Variants in RARB observed in about 807,000 individuals in gnomAD.
RARB encodes the protein retinoic acid receptor beta.
Under a neutral mutation model 51.9 loss-of-function variants are expected in RARB, and 17 were observed. The observed-to-expected ratio is 0.33, with a 90% CI of 0.22 to 0.49. The LOEUF is 0.49. RARB is among the 20% of genes least tolerant of loss of function. RARB has a pLI of 0.99. For synonymous variants in RARB, 215 were observed against 195.4 expected, an observed-to-expected ratio of 1.10 and a Z score of -0.84; for missense variants, 369 against 550.8, an observed-to-expected ratio of 0.67 and a Z score of 3.30.
intron 5 of RARB, among the ~76,000 whole-genome samples, chr3:25,286,246 G>C (rs909588942): frequency 1.3e-5 from 2 of 151,900 alleles, no homozygotes; most frequent in African/African-American, 4.8e-5. Context: ...CCGCCACCAT[G>C]CCCAGCTAAT....
intron 3 of RARB, among the ~76,000 whole-genome samples, chr3:25,109,288 T>C (rs1699560614): frequency 6.6e-6 from 1 of 152,172 alleles, no homozygotes; most frequent in Non-Finnish European, 1.5e-5. Context: ...TTTGCATTTT[T>C]TGGTTTTCAA....
chr3:25,228,434 T>TCAGA (rs1407319321), intron 5 of RARB, among the ~76,000 whole-genome samples: 4 of 152,096 alleles, frequency 2.6e-5, no homozygotes, highest in African/African-American at 9.7e-5. Flanking sequence ...TTCAGTAATT[T>TCAGA]TATGGCTTTA....
chr3:25,163,504 A>AAAAAAAAAAAATATATATAT (rs1303712411), intron 4 of RARB, among the ~76,000 whole-genome samples: 6 of 131,120 alleles, frequency 4.6e-5, no homozygotes, highest in African/African-American at 1.6e-4. Context: ...CCTATCTCAA[A>AAAAAAAAAAAATATATATAT]ATATATATAT....
At chr3:25,330,562 C>T (rs1704861505) in intron 5 of RARB, among the ~76,000 whole-genome samples, 1 of 152,144 alleles carries the variant, frequency 6.6e-6, no homozygotes, top group African/African-American at 2.4e-5. Flanking sequence ...AAAAAACATG[C>T]CAAATTGTAA....
chr3:24,970,037 C>T (rs1696359738), intron 2 of RARB, among the ~76,000 whole-genome samples: 1 of 151,988 alleles, frequency 6.6e-6, no homozygotes, highest in Non-Finnish European at 1.5e-5. Flanking sequence ...AAGGAGCAGA[C>T]AGTACATATT....
chr3:25,518,063 T>A (rs1698246099), intron 3 of RARB, among the ~76,000 whole-genome samples: 1 of 152,190 alleles, frequency 6.6e-6, no homozygotes, highest in Non-Finnish European at 1.5e-5. Context: ...TCACAATTTG[T>A]GAAATTTGTG....
intron 2 of RARB, among the ~76,000 whole-genome samples, chr3:25,490,699 A>T (rs1350786973): frequency 1.3e-5 from 2 of 150,686 alleles, no homozygotes; most frequent in East Asian, 1.9e-4. Context: ...ATTTTGTTGC[A>T]TTTTTTTTTC....
chr3:25,402,623 TA>T (rs1258103697), intron 5 of RARB, among the ~76,000 whole-genome samples: 2 of 152,262 alleles, frequency 1.3e-5, no homozygotes, highest in Middle Eastern at 3.4e-3. Context: ...TATTCAGCCA[TA>T]AAAAAGAATG....
At chr3:24,868,200 G>A (rs978332672) in intron 2 of RARB, among the ~76,000 whole-genome samples, 1 of 152,118 alleles carries the variant, frequency 6.6e-6, no homozygotes, top group African/African-American at 2.4e-5. Flanking sequence ...GTGTTAGCCT[G>A]TTTTAAAATC....
At chr3:25,468,835 G>A (rs532799886) in intron 2 of RARB, among the ~76,000 whole-genome samples, 6 of 152,200 alleles carry the variant, frequency 3.9e-5, no homozygotes, top group Non-Finnish European at 8.8e-5. Context: ...ATGCAGCTTT[G>A]TCCTTGCTCT....
At chr3:25,517,169 T>A (rs947412689) in intron 3 of RARB, among the ~76,000 whole-genome samples, 4 of 152,196 alleles carry the variant, frequency 2.6e-5, no homozygotes, top group Non-Finnish European at 5.9e-5. Context: ...GGGTTGGTTA[T>A]CTCTGCAAGA....
At chr3:25,287,026 C>T (rs1323838662) in intron 5 of RARB, among the ~76,000 whole-genome samples, 3 of 152,186 alleles carry the variant, frequency 2.0e-5, no homozygotes, top group East Asian at 1.9e-4. Flanking sequence ...AAGGCTTTCT[C>T]CTGCCTGTTA....
intron 5 of RARB, among the ~76,000 whole-genome samples, chr3:25,582,488 CCTT>C (rs1235875890): frequency 6.6e-6 from 1 of 151,910 alleles, no homozygotes; most frequent in Non-Finnish European, 1.5e-5. Flanking sequence ...GTTTCTTAAT[CCTT>C]CTTTTGTCTA....
At chr3:25,461,879 C>T (rs1237450930) in intron 2 of RARB, among the ~76,000 whole-genome samples, 2 of 152,190 alleles carry the variant, frequency 1.3e-5, no homozygotes, top group Admixed American at 6.5e-5. Flanking sequence ...TGGACAACAG[C>T]GAGACTTTGT....
chr3:25,230,064 G>T (rs1702141289), intron 5 of RARB, among the ~76,000 whole-genome samples: 1 of 152,046 alleles, frequency 6.6e-6, no homozygotes. Context: ...AATGAATGAA[G>T]TATGCTTATA....
chr3:25,096,210 G>T (rs1277134873), intron 3 of RARB, among the ~76,000 whole-genome samples: 1 of 152,150 alleles, frequency 6.6e-6, no homozygotes, highest in Non-Finnish European at 1.5e-5. Context: ...GTAGCTACTT[G>T]GGTTAGGTTT....
chr3:25,382,063 TAGC>T (rs1706643945), intron 5 of RARB, among the ~76,000 whole-genome samples: 1 of 152,186 alleles, frequency 6.6e-6, no homozygotes, highest in Non-Finnish European at 1.5e-5. Flanking sequence ...TGAGGAACAT[TAGC>T]ATCATATCAT....
intron 2 of RARB, among the ~76,000 whole-genome samples, chr3:25,052,827 A>G (rs1022197315): frequency 6.6e-6 from 1 of 152,066 alleles, no homozygotes; most frequent in Non-Finnish European, 1.5e-5. Context: ...GGGTATGACG[A>G]GAGAAGAGAA....
chr3:25,140,846 G>C (rs1440378959), intron 4 of RARB, among the ~76,000 whole-genome samples: 2 of 151,474 alleles, frequency 1.3e-5, no homozygotes, highest in African/African-American at 4.9e-5. Flanking sequence ...TCCACATTGA[G>C]GCAAGACCTC....
Sources: allele counts gnomAD v4.1 joint callset (sites outside exome capture counted in the v4.1 genomes callset), GRCh38; gene constraint gnomAD v4.1.1; transcripts MANE v1.5; gene names NCBI Gene and HGNC (gene_info 2026-07-23, HGNC 2026-07-21).